Variants in PRKN observed in about 807,000 individuals in gnomAD.
The protein encoded by PRKN is parkin RBR E3 ubiquitin protein ligase.
Under a neutral mutation model 59.5 loss-of-function variants are expected in PRKN, and 56 were observed. That is an observed-to-expected ratio of 0.94 (90% CI 0.76 to 1.18). PRKN has a LOEUF of 1.18. Among genes scored for constraint, PRKN ranks in the 50% most tolerant of loss-of-function variants. PRKN has a pLI of 0.00. For missense variants in PRKN, 657 were observed against 596.4 expected, an observed-to-expected ratio of 1.10 and a Z score of -1.06; for synonymous variants, 250 against 222.1, an observed-to-expected ratio of 1.13 and a Z score of -1.12.
At chr6:161,683,682 T>C (rs1562606061) in intron 7 of PRKN, among the ~76,000 whole-genome samples, 1 of 152,130 alleles carries the variant, frequency 6.6e-6, no homozygotes, top group South Asian at 2.1e-4. Flanking sequence ...CTTGGGTACA[T>C]GGAAAACATA....
intron 1 of PRKN, among the ~76,000 whole-genome samples, chr6:162,694,518 A>G (rs962423653): frequency 6.6e-6 from 1 of 152,044 alleles, no homozygotes; most frequent in Non-Finnish European, 1.5e-5. Context: ...AACCATAGTG[A>G]CTCTCTTAAG....
intron 4 of PRKN, among the ~76,000 whole-genome samples, chr6:162,117,250 C>A (rs2128304443): frequency 6.6e-6 from 1 of 152,262 alleles, no homozygotes; most frequent in Non-Finnish European, 1.5e-5. Context: ...GGTTTTGCAT[C>A]AGACAATTCT....
Position 161,385,014 on chromosome 6 carries a change from C to G in PRKN, c.1167+1780G>C, listed in dbSNP as rs967099078. On this transcript the variant is annotated intron_variant, in intron 10 of 11. Transcript: ENST00000366898. The surrounding 1 kb of genome is among the most constrained non-coding windows in gnomAD (Gnocchi z 4.9). ...GTGCGATCTCAGCTCACTGCAACCT[C>G]CACCTCCCGGGTTCAAGCGATTCTC... 6.6e-6 allele frequency among the ~76,000 whole-genome samples: 1 copy of G among 152,114 alleles called. No homozygotes were observed. The highest frequency in any genetic ancestry group is 1.5e-5 in the Non-Finnish European group (1 of 68,022).
chr6:162,320,362 CAA>C (rs55793911), intron 2 of PRKN, among the ~76,000 whole-genome samples: 413 of 7,286 alleles, frequency 0.057, 6 homozygotes, highest in African/African-American at 0.063. Flanking sequence ...TACAAAAAGC[CAA>C]AAAAAAAAAA....
intron 6 of PRKN, among the ~76,000 whole-genome samples, chr6:161,874,172 ATATATAT>A (rs1794507620): frequency 6.7e-5 from 3 of 44,916 alleles, no homozygotes; most frequent in Non-Finnish European, 1.0e-4. Context: ...ATAATATATA[ATATATAT>A]TATATATAAT....
chr6:162,103,042 C>CAAAAAAAAAAAAAAAAAAAAA (rs1163020488), intron 4 of PRKN, among the ~76,000 whole-genome samples: 1 of 54,336 alleles, frequency 1.8e-5, no homozygotes, highest in African/African-American at 6.3e-5. Context: ...GACTCTGTCT[C>CAAAAAAAAAAAAAAAAAAAAA]AAAAAAAAAA....
At chr6:162,609,706 T>C (rs1321343295) in intron 1 of PRKN, among the ~76,000 whole-genome samples, 7 of 152,206 alleles carry the variant, frequency 4.6e-5, no homozygotes, top group Admixed American at 4.6e-4. Flanking sequence ...GACTACTATA[T>C]TTAAAACACA....
At chr6:161,535,026 C>CA (rs1261960975) in intron 9 of PRKN, among the ~76,000 whole-genome samples, 3 of 152,242 alleles carry the variant, frequency 2.0e-5, no homozygotes, top group Non-Finnish European at 1.5e-5. Flanking sequence ...AAGCTTTAGT[C>CA]TGTGGTACAT....
intron 4 of PRKN, among the ~76,000 whole-genome samples, chr6:162,187,440 C>T (rs1022745850): frequency 6.6e-6 from 1 of 152,158 alleles, no homozygotes. Flanking sequence ...TGCTTCAACA[C>T]TGAGGTATCA....
chr6:161,403,931 C>T (rs1787156526), intron 9 of PRKN, among the ~76,000 whole-genome samples: 1 of 152,170 alleles, frequency 6.6e-6, no homozygotes, highest in Non-Finnish European at 1.5e-5. Flanking sequence ...ATGCCAGCAT[C>T]ATGCTCTTGG....
At chr6:161,895,743 T>G (rs1158842675) in intron 6 of PRKN, among the ~76,000 whole-genome samples, 1 of 139,512 alleles carries the variant, frequency 7.2e-6, no homozygotes, top group East Asian at 2.2e-4. Context: ...CGTTATGCTC[T>G]TTTTCACCCG....
At chr6:162,037,121 A>G (rs543594171) in intron 5 of PRKN, among the ~76,000 whole-genome samples, 96 of 152,336 alleles carry the variant, frequency 6.3e-4, no homozygotes, top group Non-Finnish European at 1.2e-3. Context: ...AACACATTAC[A>G]TGTAAAATAT....
At chr6:161,790,634 C>A (rs535424092) in intron 6 of PRKN, among the ~76,000 whole-genome samples, 1 of 152,112 alleles carries the variant, frequency 6.6e-6, no homozygotes, top group Admixed American at 6.5e-5. Flanking sequence ...GAGAAGCCAC[C>A]GTCTATGAAC....
chr6:161,877,395 G>A (rs1005102716), intron 6 of PRKN, among the ~76,000 whole-genome samples: 1 of 152,056 alleles, frequency 6.6e-6, no homozygotes, highest in African/African-American at 2.4e-5. Context: ...GCCATTTCAT[G>A]GCCTACATCA....
chr6:162,524,305 G>C (rs941287981), intron 1 of PRKN, among the ~76,000 whole-genome samples: 2 of 152,148 alleles, frequency 1.3e-5, no homozygotes, highest in Non-Finnish European at 2.9e-5. Context: ...AAGCATCTGG[G>C]ATTGCACTTT....
At chr6:162,384,647 TAAAAAAAA>T (rs774251208) in intron 2 of PRKN, among the ~76,000 whole-genome samples, 1 of 93,436 alleles carries the variant, frequency 1.1e-5, no homozygotes, top group South Asian at 3.5e-4. Context: ...CTTCAATTTG[TAAAAAAAA>T]AAAAAAACAA....
intron 3 of PRKN, among the ~76,000 whole-genome samples, chr6:162,250,457 T>C (rs1264267331): frequency 1.3e-5 from 2 of 151,722 alleles, no homozygotes; most frequent in Non-Finnish European, 2.9e-5. Context: ...AACTTTTCCT[T>C]TGATCCTTTG....
At chr6:162,089,581 C>T (rs2156265) in intron 4 of PRKN, among the ~76,000 whole-genome samples, 96,205 of 151,982 alleles carry the variant, frequency 0.63, 30,636 homozygotes, top group East Asian at 0.78. Flanking sequence ...TATAAAAACT[C>T]GTACATGATC....
At chr6:162,518,231 A>C (rs1777946929) in intron 1 of PRKN, among the ~76,000 whole-genome samples, 1 of 152,224 alleles carries the variant, frequency 6.6e-6, no homozygotes, top group Non-Finnish European at 1.5e-5. Context: ...GAAAATTAAA[A>C]TGTAACATTA....
Sources: gnomAD v4.1 joint callset for allele counts (sites outside exome capture counted in the v4.1 genomes callset) on GRCh38, gnomAD v4.1.1 for gene constraint, Gnocchi (gnomAD v3.1) non-coding constraint, MANE v1.5 for transcripts, NCBI Gene and HGNC (gene_info 2026-07-23, HGNC 2026-07-21) for gene names.